Variants in GARIN1A observed in about 807,000 individuals in gnomAD.
GARIN1A encodes golgi associated RAB2 interactor 1A.
the GARIN1A span, among the ~76,000 whole-genome samples, chr7:128,707,202 T>C: frequency 7.9e-6 from 1 of 126,828 alleles, no homozygotes; most frequent in Non-Finnish European, 1.7e-5. Context: ...CCTATTATTA[T>C]TATTATTGTG....
chr7:128,688,231 C>T, the GARIN1A span, among the ~76,000 whole-genome samples: 26 of 152,188 alleles, frequency 1.7e-4, no homozygotes, highest in African/African-American at 5.3e-4. Context: ...AGGATGGTCT[C>T]GATCTCCTGA....
chr7:128,704,978 A>G, the GARIN1A span, among the ~76,000 whole-genome samples: 79 of 152,346 alleles, frequency 5.2e-4, no homozygotes, highest in African/African-American at 1.8e-3. Flanking sequence ...TCTCACTGTC[A>G]GAGGAAGGAG....
the GARIN1A span, chr7:128,677,988 C>G: frequency 3.6e-5 from 16 of 448,640 alleles, no homozygotes; most frequent in Admixed American, 6.3e-4. Flanking sequence ...TGACCAGTCC[C>G]TAATATTAAG....
chr7:128,674,595 C>A, the GARIN1A span, among the ~76,000 whole-genome samples: 1 of 152,202 alleles, frequency 6.6e-6, no homozygotes, highest in Non-Finnish European at 1.5e-5. Context: ...ATGTGTACAA[C>A]CCTTTGTGTT....
the GARIN1A span, among the ~76,000 whole-genome samples, chr7:128,674,617 A>C: frequency 7.2e-5 from 11 of 152,304 alleles, no homozygotes; most frequent in East Asian, 1.9e-3. Context: ...TGCAGAGGAT[A>C]TGAATTTCAT....
chr7:128,679,642 G>A, the GARIN1A span, among the ~76,000 whole-genome samples: 5 of 152,154 alleles, frequency 3.3e-5, no homozygotes, highest in African/African-American at 1.2e-4. Context: ...TAGAAGCACA[G>A]GAAGGAAGGC....
At chr7:128,687,399 A>G in the GARIN1A span, 1 of 147,512 alleles carries the variant, frequency 6.8e-6, no homozygotes, top group Non-Finnish European at 1.5e-5. Context: ...TCAAAGGGAC[A>G]ACTGCGGAGC....
chr7:128,689,553 CCGG>C, the GARIN1A span, among the ~76,000 whole-genome samples: 1 of 148,880 alleles, frequency 6.7e-6, no homozygotes, highest in African/African-American at 2.5e-5. Context: ...GCCCCTCCGC[CCGG>C]CAGCCGCCCC....
At chr7:128,682,300 T>C in the GARIN1A span, among the ~76,000 whole-genome samples, 3 of 152,284 alleles carry the variant, frequency 2.0e-5, no homozygotes, top group Admixed American at 2.0e-4. Flanking sequence ...ACTTCTCTGA[T>C]CTTAAATTTT....
At chr7:128,678,015 CTTT>C in the GARIN1A span, 5,064 of 172,428 alleles carry the variant, frequency 0.029, 33 homozygotes, top group South Asian at 0.051. Flanking sequence ...AGAAATGTTT[CTTT>C]TTTTTTTTTT....
chr7:128,692,883 C>T, the GARIN1A span, among the ~76,000 whole-genome samples: 4 of 152,204 alleles, frequency 2.6e-5, no homozygotes, highest in Non-Finnish European at 4.4e-5. Flanking sequence ...ACACAAGGGG[C>T]TCATCTCGAG....
the GARIN1A span, chr7:128,691,735 C>A: frequency 6.5e-3 from 994 of 152,390 alleles, 5 homozygotes; most frequent in Non-Finnish European, 0.011. Context: ...ACCCTGAGTT[C>A]TTCTTGTACC....
the GARIN1A span, among the ~76,000 whole-genome samples, chr7:128,689,399 G>A: frequency 1.6e-3 from 237 of 151,068 alleles, 2 homozygotes; most frequent in African/African-American, 5.7e-3. Context: ...TGTGGGGAGC[G>A]CCTCTGCCCC....
chr7:128,672,358 G>A, the GARIN1A span: 1 of 1,567,202 alleles, frequency 6.4e-7, no homozygotes, highest in Admixed American at 1.8e-5. Context: ...TCGGCGTGGA[G>A]CCCCAGAAAT....
chr7:128,708,176 A>G, the GARIN1A span, among the ~76,000 whole-genome samples: 128 of 120,416 alleles, frequency 1.1e-3, 1 homozygote, highest in African/African-American at 3.6e-3. Context: ...CTGCACCTGG[A>G]CAATTTTTTT....
At chr7:128,682,557 G>A in the GARIN1A span, among the ~76,000 whole-genome samples, 2 of 152,120 alleles carry the variant, frequency 1.3e-5, no homozygotes, top group Non-Finnish European at 2.9e-5. Flanking sequence ...AAAAAGGCAT[G>A]ATTAGAAAGT....
chr7:128,693,567 G>A, the GARIN1A span: 20 of 156,900 alleles, frequency 1.3e-4, no homozygotes, highest in Admixed American at 3.9e-4. Context: ...GAGGGAGGCC[G>A]ACCCGTGCTG....
the GARIN1A span, chr7:128,677,530 G>T: frequency 2.1e-5 from 29 of 1,373,798 alleles, 2 homozygotes; most frequent in South Asian, 4.2e-4. Flanking sequence ...AGAAACCACG[G>T]GCTCTCCCAT....
chr7:128,699,306 G>C, the GARIN1A span, among the ~76,000 whole-genome samples: 1 of 124,842 alleles, frequency 8.0e-6, no homozygotes, highest in African/African-American at 3.1e-5. Flanking sequence ...ATTGAAACAA[G>C]CACTTCAACT....
Sources: allele counts gnomAD v4.1 joint callset (sites outside exome capture counted in the v4.1 genomes callset), GRCh38; gene constraint gnomAD v4.1.1; transcripts MANE v1.5; gene names NCBI Gene and HGNC (gene_info 2026-07-23, HGNC 2026-07-21).